Variants in TAP2 observed in about 807,000 individuals in gnomAD.
The protein encoded by TAP2 is antigen peptide transporter 2.
Under a neutral mutation model 74.7 loss-of-function variants are expected in TAP2, and 49 were observed. The observed-to-expected ratio is 0.66, with a 90% CI of 0.52 to 0.83. TAP2 has a LOEUF of 0.83. Ranked by LOEUF, TAP2 falls within the 40% of genes least tolerant of loss-of-function variation. The pLI, the probability that TAP2 is intolerant of heterozygous loss-of-function variation, is 0.00. For missense variants in TAP2, 739 were observed against 859.0 expected, an observed-to-expected ratio of 0.86 and a Z score of 1.75; for synonymous variants, 306 against 368.4, an observed-to-expected ratio of 0.83 and a Z score of 1.94.
Position 32,828,674 on chromosome 6 carries a change from A to T in TAP2, c.*232T>A. ...GGAATTAAGTTTCCTGGACACAGAC[A>T]GCCCCCACCCCACCCCACCCCACCT... is the stretch of plus-strand genomic sequence containing the variant. On this transcript the variant is annotated 3_prime_UTR_variant, in exon 12 of 12. Transcript: ENST00000374897. 1 of 922,056 alleles carries T rather than the reference A, an allele frequency of 1.1e-6. No homozygotes were observed. Among genetic ancestry groups the T allele is most frequent in the Non-Finnish European group, 1.3e-6 (1 of 765,348 alleles). The allele number at this position is 922,056 out of a possible 1,614,324, so 57.1% of individuals were successfully genotyped here.
At chr6:32,823,812 A>T (rs918325588), downstream of TAP2, among the ~76,000 whole-genome samples, 1 of 152,116 alleles carries the variant, frequency 6.6e-6, no homozygotes, top group Non-Finnish European at 1.5e-5. Flanking sequence ...CATTTTAAAA[A>T]TTTTACCTTT....
intron 1 of TAP2, 71 bp from the exon 2 acceptor site, chr6:32,838,308 C>G: frequency 6.7e-7 from 1 of 1,486,236 alleles, no homozygotes; most frequent in Non-Finnish European, 8.9e-7. Flanking sequence ...TCCTACCCGC[C>G]CGGCTCCGCC....
chr6:32,834,313 AG>A (rs1246908251), intron 5 of TAP2, among the ~76,000 whole-genome samples: 1 of 152,258 alleles, frequency 6.6e-6, no homozygotes, highest in Non-Finnish European at 1.5e-5. Context: ...CTTAAAAGGG[AG>A]GAAATTCTAA....
rs150593465 is a variant in TAP2, at chr6:32,835,515, C to G, written c.739+128G>C. On this transcript the variant is annotated intron_variant, in intron 4 of 11. Coordinates refer to ENST00000374897, the MANE Select transcript of TAP2 (RefSeq NM_001290043.2). This position sits in a 1 kb window ranked among gnomAD's most constrained non-coding sequence, Gnocchi z 4.0. ...GTGGAGGCTGCTTCTCCACCCTGTC[C>G]CAAACAAGAGAAAAGCATCCCCAAG... 7.5e-4 allele frequency: 1,121 copies of G among 1,499,196 alleles called. 1 individual carries two copies. Among genetic ancestry groups the G allele is most frequent in the Middle Eastern group, 4.8e-3 (26 of 5,414 alleles). The allele number at this position is 1,499,196 out of a possible 1,614,324, so 92.9% of individuals were successfully genotyped here.
chr6:32,838,383 G>A, intron 1 of TAP2, 146 bp from the exon 2 acceptor site: 1 of 1,160,156 alleles, frequency 8.6e-7, no homozygotes, highest in East Asian at 2.6e-5. Flanking sequence ...AGTAACCGGT[G>A]CTCATCCGTA....
chr6:32,825,126 T>TTATATATATATATATATA (rs28381588), downstream of TAP2, among the ~76,000 whole-genome samples: 3,501 of 140,184 alleles, frequency 0.025, 105 homozygotes, highest in African/African-American at 0.041. Context: ...TGTCTGTTGG[T>TTATATATATATATATATA]TATATACATA....
At chr6:32,833,999 A>C (rs201678242) in intron 5 of TAP2, among the ~76,000 whole-genome samples, 1 of 152,310 alleles carries the variant, frequency 6.6e-6, no homozygotes, top group Admixed American at 6.5e-5. Context: ...ATGGAACTGT[A>C]AGTCCAATAA....
intron 3 of TAP2, among the ~76,000 whole-genome samples, chr6:32,836,064 A>G (rs1430153557): frequency 3.9e-5 from 6 of 152,168 alleles, no homozygotes; most frequent in African/African-American, 1.4e-4. Context: ...ACAATAGAAA[A>G]CTACAATAGA....
rs887925212 is a variant in TAP2 at position 32,828,383 on chromosome 6, A to T, written c.*523T>A. 1.0e-6 allele frequency: 1 copy of T among 985,910 alleles called. No individual in the cohort carries two copies. The highest frequency in any genetic ancestry group is 1.2e-6 in the Non-Finnish European group (1 of 830,330). 61.1% of individuals were successfully genotyped at this position (985,910 alleles called of 1,614,324 possible). A position where few individuals can be genotyped will look rare whatever the true frequency, so the allele number is the denominator to read the frequency against. ...GAACAAGGAAGGATATAGGAAGGCA[A>T]TCTCATGAATATTTATGTCATTTTT... is the stretch of plus-strand genomic sequence containing the variant. On this transcript the variant is annotated 3_prime_UTR_variant, in exon 12 of 12. Transcript: ENST00000374897.
intron 11 of TAP2, 77 bp downstream of exon 11, chr6:32,829,322 GC>G: frequency 6.5e-7 from 1 of 1,545,948 alleles, no homozygotes; most frequent in Non-Finnish European, 8.7e-7. Flanking sequence ...TCCTCCCTCT[GC>G]CCAATTCTGC....
Position 32,826,889 on chromosome 6 carries a change from A to G in TAP2, c.*2017T>C. 2 of 985,434 alleles carry G rather than the reference A, an allele frequency of 2.0e-6. No homozygotes were observed. Among genetic ancestry groups the G allele is most frequent in the Non-Finnish European group, 2.4e-6 (2 of 829,928 alleles). The allele number at this position is 985,434 out of a possible 1,614,324, so 61.0% of individuals were successfully genotyped here. ...TGCAGCTTCCATGTAGTTGGGAGAT[A>G]CAGGAATTATTATTCCTGTTTTATG... On this transcript the variant is annotated 3_prime_UTR_variant, in exon 12 of 12. Transcript: ENST00000374897.
intron 3 of TAP2, among the ~76,000 whole-genome samples, chr6:32,836,428 A>G (rs1420027663): frequency 6.6e-6 from 1 of 152,262 alleles, no homozygotes; most frequent in Non-Finnish European, 1.5e-5. Context: ...ACCATATTGA[A>G]GAGGCGTTTG....
downstream of TAP2, among the ~76,000 whole-genome samples, chr6:32,823,761 C>T (rs1354789314): frequency 6.7e-6 from 1 of 149,876 alleles, no homozygotes; most frequent in African/African-American, 2.5e-5. Context: ...ATAATGTTTA[C>T]ATGAGTATTT....
rs552558668 is a variant in TAP2 at position 32,838,000 on chromosome 6, G to A, written c.234C>T (p.Ser78=). The change falls in exon 2 of 12, where the codon TCC becomes TCT. Residue 78 remains serine (S), a synonymous_variant. Coordinates refer to ENST00000374897, the MANE Select transcript of TAP2 (RefSeq NM_001290043.2). ...AGGCCCCCGCGACCAGGGCTCTCAG[G>A]GAGACAGTCAGGGGGGTGGCCAGAC... ...PLCLATPLTV[S]LRALVAGASR... is the part of the protein sequence containing the mutation. The A allele has an allele frequency of 1.2e-6, 2 of 1,612,562 alleles. No homozygotes were observed. The highest frequency in any genetic ancestry group is 4.5e-5 in the East Asian group (2 of 44,858).
intron 11 of TAP2, 95 bp from the exon 12 acceptor site, chr6:32,829,129 T>C: frequency 1.3e-6 from 2 of 1,510,044 alleles, no homozygotes; most frequent in Admixed American, 4.0e-5. Flanking sequence ...GTAAAGAAGG[T>C]GTGAAATAAA....
chr6:32,825,856 T>C lies in TAP2; in HGVS notation c.*3050A>G, dbSNP rs1768614521. ...GTTAGTAAATGTTTCTAAAACTCCA[T>C]TTTCTCACTCTTAGAATTGAGATAG... On this transcript the variant is annotated 3_prime_UTR_variant, in exon 12 of 12. Coordinates refer to ENST00000374897, the MANE Select transcript of TAP2 (RefSeq NM_001290043.2). The C allele has an allele frequency of 1.9e-6, 1 of 525,532 alleles. No homozygotes were observed. Among genetic ancestry groups the C allele is most frequent in the East Asian group, 1.5e-4 (1 of 6,688 alleles). The allele number at this position is 525,532 out of a possible 1,614,324, so 32.6% of individuals were successfully genotyped here.
At chr6:32,838,324 C>T in intron 1 of TAP2, 87 bp from the exon 2 acceptor site, 2 of 1,458,704 alleles carry the variant, frequency 1.4e-6, no homozygotes, top group South Asian at 1.5e-5. Context: ...CCGCCTAACC[C>T]GTCCATCGGC....
At position 32,832,873 on chromosome 6, in the gene TAP2, G is replaced by C. The variant is rs372875563; in HGVS notation, c.946-49C>G. The C allele has an allele frequency of 5.1e-5, 81 of 1,597,168 alleles. No individual in the cohort carries two copies. The highest frequency in any genetic ancestry group is 6.8e-5 in the Non-Finnish European group (80 of 1,171,772). On this transcript the variant is annotated intron_variant, in intron 5 of 11. Coordinates refer to ENST00000374897, the MANE Select transcript of TAP2 (RefSeq NM_001290043.2). This position sits in a 1 kb window ranked among gnomAD's most constrained non-coding sequence, Gnocchi z 5.9. ...CCAGGGCTGATGTGCAAAGACAGCA[G>C]GCCCCCACATCTTACTCCAGCCAGT...
In TAP2 at chr6:32,829,933, T is replaced by C. The variant is rs1253551521; in HGVS notation, c.1792A>G (p.Thr598Ala). 2.5e-6 allele frequency: 4 copies of C among 1,612,984 alleles called. No individual in the cohort carries two copies. Among genetic ancestry groups the C allele is most frequent in the African/African-American group, 2.7e-5 (2 of 74,912 alleles). ...FIQEMEHGIY[T>A]DVGEKGSQLA... Reference sequence around the variant, plus strand: ...GCTTACAATTTGTAGAAGATACCTGTGTATATTCCATGCTCCATTTCCTGG... The same window carrying C: ...GCTTACAATTTGTAGAAGATACCTGCGTATATTCCATGCTCCATTTCCTGG... Residue 598 changes from threonine to alanine, a missense_variant, in exon 10 of 12, where the codon ACA becomes GCA. Coordinates refer to ENST00000374897, the MANE Select transcript of TAP2 (RefSeq NM_001290043.2).
Sources: gnomAD v4.1 joint callset for allele counts (sites outside exome capture counted in the v4.1 genomes callset) on GRCh38, gnomAD v4.1.1 for gene constraint, Gnocchi (gnomAD v3.1) non-coding constraint, MANE v1.5 for transcripts, NCBI Gene and HGNC (gene_info 2026-07-23, HGNC 2026-07-21) for gene names.